ADAMTS12: variants seen among roughly 807,000 people sequenced by gnomAD.
ADAMTS12 encodes A disintegrin and metalloproteinase with thrombospondin motifs 12.
ADAMTS12 carries 118 observed loss-of-function variants against 167.8 expected under a neutral mutation model. The ratio of observed to expected loss-of-function variants is 0.70; its 90% CI spans 0.61 to 0.82. The LOEUF is 0.82. Ranked by LOEUF, ADAMTS12 falls within the 40% of genes least tolerant of loss-of-function variation. The probability of loss-of-function intolerance (pLI) is 0.00; values close to 1 mark genes in which losing one functional copy is unlikely to be tolerated. For missense variants in ADAMTS12, 1,916 were observed against 1,998.8 expected (o/e 0.96, Z 0.79); for synonymous variants, 704 against 716.9 (o/e 0.98, Z 0.29).
At chr5:33,544,141 G>A (rs1436892326) in intron 22 of ADAMTS12, among the ~76,000 whole-genome samples, 2 of 152,164 alleles carry the variant, frequency 1.3e-5, no homozygotes, top group Non-Finnish European at 2.9e-5. Context: ...ATCTCCTTAA[G>A]CTGATAAGCA....
chr5:33,789,761 A>C (rs77311862), intron 2 of ADAMTS12, among the ~76,000 whole-genome samples: 8,788 of 152,246 alleles, frequency 0.058, 896 homozygotes, highest in African/African-American at 0.2. Flanking sequence ...ACAAATGAAC[A>C]AACACAGGGG....
intron 2 of ADAMTS12, 65 bp from the exon 3 acceptor site, chr5:33,751,613 GA>G: frequency 1.3e-6 from 2 of 1,522,916 alleles, no homozygotes; most frequent in Non-Finnish European, 9.0e-7. Flanking sequence ...AAAACAAAGT[GA>G]AAAATTATAT....
chr5:33,811,792 T>A (rs1229878784), intron 2 of ADAMTS12, among the ~76,000 whole-genome samples: 1 of 151,930 alleles, frequency 6.6e-6, no homozygotes, highest in East Asian at 1.9e-4. Flanking sequence ...AGAAACCAGG[T>A]AGGAGATGAT....
chr5:33,751,461 TGTGCGGGTG>T lies in ADAMTS12; in HGVS notation c.568_576del (p.His190_His192del). 1.9e-6 allele frequency: 3 copies of T among 1,614,170 alleles called. No homozygotes were observed. The highest frequency in any genetic ancestry group is 2.5e-6 in the Non-Finnish European group (3 of 1,180,020). On this transcript the variant is annotated inframe_deletion, in exon 3 of 24. Transcript: ENST00000504830. ...GGAACTTTCTGCCTCCTGTAAACGA[TGTGCGGGTG>T]GTACCCTCCCTCAACCAGTGGATGC...
At chr5:33,854,031 G>T (rs1561309912) in intron 2 of ADAMTS12, among the ~76,000 whole-genome samples, 1 of 152,152 alleles carries the variant, frequency 6.6e-6, no homozygotes, top group Non-Finnish European at 1.5e-5. Context: ...AAATTCGGTG[G>T]AATTGCCCTT....
intron 11 of ADAMTS12, among the ~76,000 whole-genome samples, chr5:33,640,195 G>A (rs980448434): frequency 6.6e-5 from 10 of 152,282 alleles, no homozygotes; most frequent in East Asian, 5.8e-4. Flanking sequence ...TCTATGATGC[G>A]GTGCCATTGG....
chr5:33,628,006 G>C (rs1739741354), intron 13 of ADAMTS12, among the ~76,000 whole-genome samples: 2 of 152,082 alleles, frequency 1.3e-5, no homozygotes. Context: ...CTAATGGTAA[G>C]ATCAAAAAAG....
At chr5:33,581,139 A>G (rs1747043980) in intron 18 of ADAMTS12, among the ~76,000 whole-genome samples, 1 of 152,152 alleles carries the variant, frequency 6.6e-6, no homozygotes, top group African/African-American at 2.4e-5. Flanking sequence ...ACATCTTCCA[A>G]CGTGTTTATC....
intron 16 of ADAMTS12, among the ~76,000 whole-genome samples, chr5:33,606,600 A>T (rs1318577213): frequency 6.6e-6 from 1 of 152,226 alleles, no homozygotes; most frequent in Admixed American, 6.5e-5. Flanking sequence ...GGACAGAAGA[A>T]TGAAGAAAAA....
chr5:33,665,432 G>T (rs114449857), intron 5 of ADAMTS12, among the ~76,000 whole-genome samples: 1 of 152,114 alleles, frequency 6.6e-6, no homozygotes, highest in Non-Finnish European at 1.5e-5. Flanking sequence ...TAATGTATGC[G>T]TTAATTAGCC....
At chr5:33,725,270 G>T (rs1010567348) in intron 3 of ADAMTS12, among the ~76,000 whole-genome samples, 1 of 152,084 alleles carries the variant, frequency 6.6e-6, no homozygotes, top group Non-Finnish European at 1.5e-5. Flanking sequence ...TTCCAATCCC[G>T]ATTTCCTTCC....
At chr5:33,871,301 A>C (rs1164687079) in intron 2 of ADAMTS12, among the ~76,000 whole-genome samples, 2 of 152,202 alleles carry the variant, frequency 1.3e-5, no homozygotes, top group Admixed American at 6.5e-5. Context: ...ATTCGATGCA[A>C]TCTCTTCCAG....
chr5:33,610,590 T>C (rs372373488), intron 16 of ADAMTS12, among the ~76,000 whole-genome samples: 2 of 152,218 alleles, frequency 1.3e-5, no homozygotes, highest in Admixed American at 6.5e-5. Context: ...ATGGAGACTG[T>C]ATGACCTAGG....
chr5:33,615,724 T>C (rs1738967149), intron 15 of ADAMTS12, 104 bp downstream of exon 15: 2 of 1,466,464 alleles, frequency 1.4e-6, no homozygotes, highest in South Asian at 2.7e-5. Context: ...CTAAAAGAGG[T>C]TTTAAAGATT....
At chr5:33,539,502 C>G (rs1224877039) in intron 22 of ADAMTS12, among the ~76,000 whole-genome samples, 5 of 152,196 alleles carry the variant, frequency 3.3e-5, no homozygotes, top group Admixed American at 6.5e-5. Flanking sequence ...GGTTGTAAAA[C>G]AGATGTTTCT....
chr5:33,860,980 G>A (rs1749594233), intron 2 of ADAMTS12, among the ~76,000 whole-genome samples: 1 of 152,182 alleles, frequency 6.6e-6, no homozygotes, highest in Non-Finnish European at 1.5e-5. Flanking sequence ...ACAAGCAAAT[G>A]CTGAGAGATT....
intron 3 of ADAMTS12, among the ~76,000 whole-genome samples, chr5:33,720,622 T>C (rs369010728): frequency 2.0e-4 from 30 of 152,336 alleles, no homozygotes; most frequent in South Asian, 8.3e-4. Flanking sequence ...TGTTGTCACC[T>C]ATTTAAGTGG....
At chr5:33,624,400 T>C (rs1180072969) in intron 13 of ADAMTS12, 49 bp from the exon 14 acceptor site, 4 of 1,611,040 alleles carry the variant, frequency 2.5e-6, no homozygotes, top group South Asian at 1.1e-5. Flanking sequence ...GGGATGCCAC[T>C]CTTGCCTGGA....
chr5:33,740,532 G>A (rs551318620), intron 3 of ADAMTS12, among the ~76,000 whole-genome samples: 2 of 152,306 alleles, frequency 1.3e-5, no homozygotes, highest in Non-Finnish European at 2.9e-5. Context: ...CTGGATGACG[G>A]GGATGCGGGG....
Sources: gnomAD v4.1 joint callset for allele counts (sites outside exome capture counted in the v4.1 genomes callset) on GRCh38, gnomAD v4.1.1 for gene constraint, MANE v1.5 for transcripts, NCBI Gene and HGNC (gene_info 2026-07-23, HGNC 2026-07-21) for gene names.